ODR4: variants seen among roughly 807,000 people sequenced by gnomAD.
ODR4 encodes the protein odr-4 GPCR localization factor homolog.
Under a neutral mutation model 60.2 loss-of-function variants are expected in ODR4, and 47 were observed. That is an observed-to-expected ratio of 0.78 (90% confidence interval 0.62 to 1.00). The LOEUF (loss-of-function observed/expected upper bound fraction) is 1.00, where lower values mean the gene tolerates loss of function less well. Among genes scored for constraint, ODR4 ranks in the 50% least tolerant of loss-of-function variants. ODR4 has a pLI of 0.00. For missense variants in ODR4, 488 were observed against 530.8 expected, an observed-to-expected ratio of 0.92 and a Z score of 0.79; for synonymous variants, 178 against 175.5, an observed-to-expected ratio of 1.01 and a Z score of -0.11.
In ODR4 at chr1:186,383,027, G is replaced by T; in HGVS notation, c.105G>T (p.Ser35=). The T allele has an allele frequency of 6.3e-7, 1 of 1,582,954 alleles. No homozygotes were observed. Among genetic ancestry groups the T allele is most frequent in the Non-Finnish European group, 8.6e-7 (1 of 1,163,826 alleles). Reference sequence around the variant, plus strand: ...TTTTTAATTTGTTGTTGAAGTGTTCGTCACAAAAGGATTATGTGATTCTTG... The same window carrying T: ...TTTTTAATTTGTTGTTGAAGTGTTCTTCACAAAAGGATTATGTGATTCTTG... ...FVSGLLIGQC[S]SQKDYVILAT... Residue 35 remains serine (S), a synonymous_variant, in exon 3 of 14, where the codon TCG becomes TCT. Coordinates refer to ENST00000287859, the MANE Select transcript of ODR4 (RefSeq NM_017847.6).
Position 186,421,309 on chromosome 1 carries a change from T to C in ODR4, c.*2233T>C, listed in dbSNP as rs1181662978. ...AACTGTTGTTTGTATAAAACAATTA[T>C]AATGAAGTGTTTATAAGAAATTGTA... is the stretch of plus-strand genomic sequence containing the variant. On this transcript the variant is annotated 3_prime_UTR_variant, in exon 14 of 14. Transcript: ENST00000287859. 6.6e-6 allele frequency: 1 copy of C among 152,198 alleles called. No individual in the cohort carries two copies. Among genetic ancestry groups the C allele is most frequent in the African/African-American group, 2.4e-5 (1 of 41,462 alleles). The allele number at this position is 152,198 out of a possible 1,614,324, so 9.4% of individuals were successfully genotyped here.
the ODR4 span, among the ~76,000 whole-genome samples, chr1:186,429,869 G>A: frequency 1.3e-5 from 2 of 151,986 alleles, no homozygotes; most frequent in Admixed American, 1.3e-4. Flanking sequence ...GTCTGTTAAT[G>A]AATATTAATC....
chr1:186,401,002 A>G (rs2102060666), intron 11 of ODR4: 1 of 1,555,102 alleles, frequency 6.4e-7, no homozygotes, highest in Non-Finnish European at 8.8e-7. Flanking sequence ...TCTGAGCAAC[A>G]GTGTATATTA....
intron 4 of ODR4, among the ~76,000 whole-genome samples, chr1:186,387,772 C>A (rs1202158632): frequency 6.6e-6 from 1 of 152,152 alleles, no homozygotes; most frequent in Non-Finnish European, 1.5e-5. Context: ...TTTCTCTCTG[C>A]ACATTATTGT....
In ODR4 at chr1:186,399,029, A is replaced by T; in HGVS notation, c.985A>T (p.Ile329Phe). 6.2e-7 allele frequency: 1 copy of T among 1,610,714 alleles called. No homozygotes were observed. The highest frequency in any genetic ancestry group is 1.3e-5 in the African/African-American group (1 of 74,974). ...MLFEDLLLNEIPEKKDSEKEF... is the reference protein window; with the variant it reads ...MLFEDLLLNEFPEKKDSEKEF... ...ATTTGAGGATCTGCTTTTGAATGAA[A>T]TTCCAGAAAAAAAAGTTATGAGTAT... Residue 329 changes from isoleucine to phenylalanine, a missense_variant, in exon 11 of 14, where the codon ATT (isoleucine) becomes TTT (phenylalanine). By Grantham distance (21) the Ile-to-Phe change is conservative. Transcript: ENST00000287859.
At chr1:186,434,547 C>G in the ODR4 span, among the ~76,000 whole-genome samples, 1 of 152,132 alleles carries the variant, frequency 6.6e-6, no homozygotes, top group Non-Finnish European at 1.5e-5. Context: ...AAAGTCCTTT[C>G]CATTTCCCTA....
intron 1 of ODR4, among the ~76,000 whole-genome samples, chr1:186,377,032 A>G (rs1217128425): frequency 6.6e-6 from 1 of 151,990 alleles, no homozygotes; most frequent in Non-Finnish European, 1.5e-5. Context: ...TGGTTCCAGG[A>G]CCCTCTCACC....
At chr1:186,427,631 G>A in the ODR4 span, among the ~76,000 whole-genome samples, 1 of 152,168 alleles carries the variant, frequency 6.6e-6, no homozygotes, top group Non-Finnish European at 1.5e-5. Flanking sequence ...GCTTCCATGA[G>A]TCACAAATGT....
intron 11 of ODR4, among the ~76,000 whole-genome samples, chr1:186,404,091 C>G (rs1661085583): frequency 6.6e-6 from 1 of 152,282 alleles, no homozygotes; most frequent in Middle Eastern, 3.4e-3. Flanking sequence ...CCAGCTAGGA[C>G]ATTTAACCAA....
intron 1 of ODR4, among the ~76,000 whole-genome samples, 188 bp downstream of exon 1, chr1:186,376,162 A>AT (rs1467301890): frequency 6.6e-6 from 1 of 152,134 alleles, no homozygotes; most frequent in Non-Finnish European, 1.5e-5. Context: ...GCACTGAGTG[A>AT]TTCAGTACCC....
chr1:186,419,237 G>C lies in ODR4; in HGVS notation c.*161G>C. 1.6e-6 allele frequency: 1 copy of C among 644,422 alleles called. No homozygotes were observed. The highest frequency in any genetic ancestry group is 2.6e-5 in the Admixed American group (1 of 37,842). The allele number at this position is 644,422 out of a possible 1,614,324, so 39.9% of individuals were successfully genotyped here. A position where few individuals can be genotyped will look rare whatever the true frequency, so the allele number is the denominator to read the frequency against. ...TCTGATTAAAATGAAATCACAAGCT[G>C]CCTTGTTTAGCCTGCTTTACATTGT... is the stretch of plus-strand genomic sequence containing the variant. On this transcript the variant is annotated 3_prime_UTR_variant, in exon 14 of 14. Transcript: ENST00000287859.
At chr1:186,389,773 AT>A in intron 6 of ODR4, 149 bp downstream of exon 6, 1 of 601,096 alleles carries the variant, frequency 1.7e-6, no homozygotes, top group Non-Finnish European at 2.8e-6. Context: ...AATATGATTA[AT>A]TTTATTACAG....
intron 9 of ODR4, 70 bp from the exon 10 acceptor site, chr1:186,398,238 CTAATA>C (rs1241570885): frequency 2.3e-6 from 3 of 1,313,678 alleles, no homozygotes; most frequent in African/African-American, 1.5e-5. Flanking sequence ...CATAAAATCG[CTAATA>C]TAATGTTTAA....
intron 11 of ODR4, 61 bp from the exon 12 acceptor site, chr1:186,406,022 T>G (rs1661160921): frequency 8.7e-7 from 1 of 1,149,014 alleles, no homozygotes; most frequent in South Asian, 2.1e-5. Context: ...TTCTAAAATA[T>G]GTATCACTGA....
At chr1:186,434,739 C>A in the ODR4 span, among the ~76,000 whole-genome samples, 1 of 152,104 alleles carries the variant, frequency 6.6e-6, no homozygotes, top group African/African-American at 2.4e-5. Context: ...GTGGGACTTA[C>A]ACAGTTTATT....
chr1:186,389,898 C>T (rs1381138708), intron 6 of ODR4, among the ~76,000 whole-genome samples: 1 of 152,194 alleles, frequency 6.6e-6, no homozygotes, highest in Non-Finnish European at 1.5e-5. Context: ...AGGGATCCTC[C>T]CACCTCAGCC....
chr1:186,381,569 C>T (rs555942943), intron 2 of ODR4, among the ~76,000 whole-genome samples: 5 of 152,214 alleles, frequency 3.3e-5, no homozygotes, highest in Admixed American at 3.3e-4. Flanking sequence ...TCTCGTGATC[C>T]GCCTGCCTCG....
chr1:186,377,567 G>C (rs1475817202), intron 1 of ODR4, among the ~76,000 whole-genome samples: 2 of 152,166 alleles, frequency 1.3e-5, no homozygotes, highest in Non-Finnish European at 2.9e-5. Context: ...TATTAGACCA[G>C]AAGGAAAAGG....
At chr1:186,382,964 C>T (rs1660096261) in intron 2 of ODR4, 58 bp from the exon 3 acceptor site, 4 of 1,517,138 alleles carry the variant, frequency 2.6e-6, no homozygotes, top group South Asian at 1.3e-5. Context: ...AGGTATCACT[C>T]TAATTAGATT....
Sources: gnomAD v4.1 joint callset for allele counts (sites outside exome capture counted in the v4.1 genomes callset) on GRCh38, gnomAD v4.1.1 for gene constraint, MANE v1.5 for transcripts, NCBI Gene and HGNC (gene_info 2026-07-23, HGNC 2026-07-21) for gene names.